PRRC2A: variants seen among roughly 807,000 people sequenced by gnomAD.
PRRC2A encodes the protein protein PRRC2A.
In PRRC2A, 59 loss-of-function variants were observed where a neutral mutation model predicts 224.6. That is an observed-to-expected ratio of 0.26 (90% CI 0.21 to 0.33). The LOEUF is 0.33. PRRC2A is among the 10% of genes least tolerant of loss of function. PRRC2A has a pLI of 1.00. For synonymous variants in PRRC2A, 1,194 were observed against 1,109.5 expected (o/e 1.08, Z -1.51); for missense variants, 3,095 against 2,880.7 (o/e 1.07, Z -1.70).
In PRRC2A at chr6:31,635,406, C is replaced by T. The variant is rs199525458; in HGVS notation, c.5314C>T (p.Arg1772Cys). The change falls in exon 23 of 31, where the codon CGC (arginine) becomes TGC (cysteine). Residue 1772 changes from arginine to cysteine, a missense_variant. Arg to Cys is a radical substitution (Grantham distance 180). Around this residue, in one of 8 missense-constraint regions of PRRC2A, gnomAD observed 662 missense variants for 609.5 expected, o/e 1.09. Transcript: ENST00000376033. ...FGTSDKDSDLRLVVGDSLKAE... is the reference protein window; with the variant it reads ...FGTSDKDSDLCLVVGDSLKAE... ...CTTGTGATCACAGGACTCAGACTTA[C>T]GCCTAGTGGTAGGAGACAGCTTGAA... The T allele has an allele frequency of 5.9e-5, 96 of 1,614,216 alleles. No individual in the cohort carries two copies. The highest frequency in any genetic ancestry group is 5.6e-4 in the African/African-American group (42 of 75,058).
intron 14 of PRRC2A, among the ~76,000 whole-genome samples, chr6:31,630,096 C>G (rs562866214): frequency 6.6e-6 from 1 of 152,108 alleles, no homozygotes; most frequent in Non-Finnish European, 1.5e-5. Flanking sequence ...GTGGGCAGAT[C>G]AACTGAGTTC....
Position 31,636,882 on chromosome 6 carries a change from T to C in PRRC2A, c.6084T>C (p.Ala2028=). Residue 2028 remains alanine, a synonymous_variant, in exon 28 of 31, where the codon GCT becomes GCC. Coordinates refer to ENST00000376033, the MANE Select transcript of PRRC2A (RefSeq NM_004638.4). The surrounding 1 kb of genome is among the most constrained non-coding windows in gnomAD (Gnocchi z 4.3). ...PPSLAVRPPP[A]PATRVLPSPA... ...GCCTGGCTGTGCGGCCCCCACCTGC[T>C]CCTGCTACTCGGGTGCTGCCTTCAC... 2.5e-6 allele frequency: 4 copies of C among 1,612,968 alleles called. No homozygotes were observed. Among genetic ancestry groups the C allele is most frequent in the Non-Finnish European group, 3.4e-6 (4 of 1,180,030 alleles).
Position 31,630,993 on chromosome 6 carries a change from C to T in PRRC2A, c.2466-146C>T, listed in dbSNP as rs754703676. On this transcript the variant is annotated intron_variant, in intron 15 of 30. Transcript: ENST00000376033. ...ATTGCTTGAGCCCAGCAGTTCGAGA[C>T]TAGCCTCGGCAACTGGATGCCATCT... 45 of 1,201,058 alleles carry T rather than the reference C, an allele frequency of 3.7e-5. 1 individual carries two copies. Among genetic ancestry groups the T allele is most frequent in the Non-Finnish European group, 4.9e-5 (43 of 868,962 alleles). The allele number at this position is 1,201,058 out of a possible 1,614,324, so 74.4% of individuals were successfully genotyped here.
Position 31,636,848 on chromosome 6 carries a change from A to C in PRRC2A, c.6050A>C (p.Gln2017Pro), listed in dbSNP as rs1476578852. The change falls in exon 28 of 31, where the codon CAG (glutamine) becomes CCG (proline). Residue 2017 changes from glutamine to proline, a missense_variant. Physicochemically the swap from Gln to Pro is moderately conservative, Grantham distance 76. Transcript: ENST00000376033. This position sits in a 1 kb window ranked among gnomAD's most constrained non-coding sequence, Gnocchi z 4.3. The part of the protein sequence containing the change: ...LSLLPVGPAL[Q>P]PPSLAVRPPP... Reference sequence around the variant, plus strand: ...CTGTTACCTGTGGGCCCTGCTCTGCAGCCCCCCAGCCTGGCTGTGCGGCCC... The same window carrying C: ...CTGTTACCTGTGGGCCCTGCTCTGCCGCCCCCCAGCCTGGCTGTGCGGCCC... 9 of 1,612,498 alleles carry C rather than the reference A, an allele frequency of 5.6e-6. No homozygotes were observed. Among genetic ancestry groups the C allele is most frequent in the Non-Finnish European group, 7.6e-6 (9 of 1,179,948 alleles).
chr6:31,622,006 T>C (rs1441745303), intron 1 of PRRC2A, among the ~76,000 whole-genome samples: 1 of 152,238 alleles, frequency 6.6e-6, no homozygotes. Context: ...GTATTTCATC[T>C]GGAGGCGATT....
Position 31,623,737 on chromosome 6 carries a change from C to T in PRRC2A, c.118C>T (p.Pro40Ser). The change falls in exon 3 of 31, where the codon CCT becomes TCT. Residue 40 changes from proline to serine, a missense_variant. By Grantham distance (74) the Pro-to-Ser change is moderately conservative (BLOSUM62 -1). Transcript: ENST00000376033. Reference sequence around the variant, plus strand: ...CTCTCCGTCTTGTTCTCCAGTTGCCCCTCGCCATGGCCTGCAGAGTCTCGG... The same window carrying T: ...CTCTCCGTCTTGTTCTCCAGTTGCCTCTCGCCATGGCCTGCAGAGTCTCGG... ...SLEIQKPAVA[P>S]RHGLQSLGKV... The T allele has an allele frequency of 2.5e-6, 4 of 1,614,076 alleles. No homozygotes were observed. The highest frequency in any genetic ancestry group is 1.3e-5 in the African/African-American group (1 of 75,036).
At chr6:31,634,690 A>G in intron 20 of PRRC2A, 63 bp from the exon 21 acceptor site, 6 of 1,566,710 alleles carry the variant, frequency 3.8e-6, no homozygotes, top group Non-Finnish European at 5.3e-6. Context: ...GTATGTGTGC[A>G]TCAGTCAGGT....
At chr6:31,633,318 T>G in intron 16 of PRRC2A, 61 bp from the exon 17 acceptor site, 1 of 1,565,506 alleles carries the variant, frequency 6.4e-7, no homozygotes, top group Non-Finnish European at 8.7e-7. Flanking sequence ...TTGGGAAACA[T>G]AACTTGTGGG....
At chr6:31,633,782 T>G (rs1405991465) in intron 17 of PRRC2A, 77 bp from the exon 18 acceptor site, 2 of 1,532,466 alleles carry the variant, frequency 1.3e-6, no homozygotes, top group African/African-American at 2.8e-5. Flanking sequence ...GTAGAAGAAT[T>G]GGGAGGTGGA....
At position 31,637,503 on chromosome 6, in the gene PRRC2A, C is replaced by T; in HGVS notation, c.6391C>T (p.Pro2131Ser). Residue 2131 changes from proline to serine, a missense_variant, in exon 31 of 31, where the codon CCA (proline) becomes TCA (serine). This residue lies in a region of PRRC2A where 662 missense variants were observed against 609.5 expected (regional missense o/e 1.09). Coordinates refer to ENST00000376033, the MANE Select transcript of PRRC2A (RefSeq NM_004638.4). Reference sequence around the variant, plus strand: ...TAAGCCTTGGGAGCGGACAGGGCCGCCACCTCGAGAAGGGCCCTCCCGACG... The same window carrying T: ...TAAGCCTTGGGAGCGGACAGGGCCGTCACCTCGAGAAGGGCCCTCCCGACG... Reference protein sequence around the residue: ...IPKPWERTGPPPREGPSRRAE... With the variant: ...IPKPWERTGPSPREGPSRRAE... 6.3e-7 allele frequency: 1 copy of T among 1,576,594 alleles called. No individual in the cohort carries two copies. Among genetic ancestry groups the T allele is most frequent in the South Asian group, 1.2e-5 (1 of 85,896 alleles).
intron 30 of PRRC2A, 42 bp downstream of exon 30, chr6:31,637,366 T>A (rs767271325): frequency 1.0e-5 from 16 of 1,601,412 alleles, no homozygotes; most frequent in African/African-American, 1.3e-5. Context: ...AAATTCGAGT[T>A]GCCACCTGAT....
At chr6:31,628,963 G>T in intron 12 of PRRC2A, 181 bp from the exon 13 acceptor site, 1 of 618,962 alleles carries the variant, frequency 1.6e-6, no homozygotes, top group Non-Finnish European at 2.8e-6. Flanking sequence ...CACCACCATA[G>T]GCTCATGAGA....
Position 31,627,287 on chromosome 6 carries a change from G to T in PRRC2A, c.1290+89G>T. 2 of 976,812 alleles carry T rather than the reference G, an allele frequency of 2.0e-6. No individual in the cohort carries two copies. Among genetic ancestry groups the T allele is most frequent in the South Asian group, 3.2e-5 (2 of 63,364 alleles). 60.5% of individuals were successfully genotyped at this position (976,812 alleles called of 1,614,324 possible). Reference sequence around the variant, plus strand: ...TGAAGCGGTTGTGATATAGAGGAAGGGGGGTGCTAAAAATGGGCTGTGTGA... The same window carrying T: ...TGAAGCGGTTGTGATATAGAGGAAGTGGGGTGCTAAAAATGGGCTGTGTGA... On this transcript the variant is annotated intron_variant, in intron 11 of 30. Coordinates refer to ENST00000376033, the MANE Select transcript of PRRC2A (RefSeq NM_004638.4). This position sits in a 1 kb window ranked among gnomAD's most constrained non-coding sequence, Gnocchi z 5.6.
In PRRC2A at chr6:31,629,291, A is replaced by T. The variant is rs774016642; in HGVS notation, c.1913A>T (p.Lys638Ile). ...QPPSQGLGYP[K>I]YQKSLPPRFQ... Reference sequence around the variant, plus strand: ...CCTAGTCAGGGCTTGGGCTACCCCAAATATCAGAAGTCGTTGCCTCCTCGT... The same window carrying T: ...CCTAGTCAGGGCTTGGGCTACCCCATATATCAGAAGTCGTTGCCTCCTCGT... The change falls in exon 13 of 31, where the codon AAA (lysine) becomes ATA (isoleucine). Residue 638 changes from lysine to isoleucine, a missense_variant. Coordinates refer to ENST00000376033, the MANE Select transcript of PRRC2A (RefSeq NM_004638.4). 1 of 1,589,248 alleles carries T rather than the reference A, an allele frequency of 6.3e-7. No individual in the cohort carries two copies. The highest frequency in any genetic ancestry group is 8.6e-7 in the Non-Finnish European group (1 of 1,167,832).
In PRRC2A at chr6:31,635,209, G is replaced by T. The variant is rs2075473886; in HGVS notation, c.5238G>T (p.Glu1746Asp). The change falls in exon 22 of 31, where the codon GAG becomes GAT. Residue 1746 changes from glutamate to aspartate, a missense_variant. Physicochemically the swap from Glu to Asp is conservative, Grantham distance 45 (BLOSUM62 2). Coordinates refer to ENST00000376033, the MANE Select transcript of PRRC2A (RefSeq NM_004638.4). ...CACAGCGTACAGACCGAGGCACAGA[G>T]CCTGGCCCCATTCGGCCATCCCATC... ...ERSQRTDRGT[E>D]PGPIRPSHRP... 2.5e-6 allele frequency: 4 copies of T among 1,612,884 alleles called. No individual in the cohort carries two copies. The African/African-American group carries it at 5.3e-5, about 22-fold the overall frequency.
At chr6:31,623,658 T>C (rs1775568129) in intron 2 of PRRC2A, 74 bp from the exon 3 acceptor site, 1 of 1,490,988 alleles carries the variant, frequency 6.7e-7, no homozygotes, top group Non-Finnish European at 9.2e-7. Flanking sequence ...CATGTATAAA[T>C]GTGTCCCAGG....
chr6:31,631,393 G>C lies in PRRC2A; in HGVS notation c.2720G>C (p.Gly907Ala), dbSNP rs1271239955. 28 of 1,607,356 alleles carry C rather than the reference G, an allele frequency of 1.7e-5. No individual in the cohort carries two copies. The highest frequency in any genetic ancestry group is 2.4e-5 in the Non-Finnish European group (28 of 1,177,884). The change falls in exon 16 of 31, where the codon GGG (glycine) becomes GCG (alanine). Residue 907 changes from glycine (G) to alanine (A), a missense_variant. Gly to Ala is a moderately conservative substitution (Grantham distance 60). Transcript: ENST00000376033. This position sits in a 1 kb window ranked among gnomAD's most constrained non-coding sequence, Gnocchi z 4.5. ...GGCCGAAAGCCTGCCCGCGGAGTCGGGAGTGGAGGCCAGGGCCCCCCACCA... is the reference window on the plus strand; with the variant it reads ...GGCCGAAAGCCTGCCCGCGGAGTCGCGAGTGGAGGCCAGGGCCCCCCACCA... ...EAGRKPARGVGSGGQGPPPPR... is the reference protein window; with the variant it reads ...EAGRKPARGVASGGQGPPPPR...
chr6:31,634,110 G>A (rs1777030443), intron 18 of PRRC2A, 121 bp downstream of exon 18: 2 of 1,569,216 alleles, frequency 1.3e-6, no homozygotes, highest in South Asian at 1.2e-5. Flanking sequence ...AGAATTCTCA[G>A]TATTAGTCTC....
At position 31,636,159 on chromosome 6, in the gene PRRC2A, G is replaced by C; in HGVS notation, c.5625-50G>C. ...TAGAAGCTAGTGGACTTAAGGCATTGCTAGGACTCTGGCTTCCTAACAGCT... is the reference window on the plus strand; with the variant it reads ...TAGAAGCTAGTGGACTTAAGGCATTCCTAGGACTCTGGCTTCCTAACAGCT... On this transcript the variant is annotated intron_variant, in intron 25 of 30. Transcript: ENST00000376033. This position sits in a 1 kb window ranked among gnomAD's most constrained non-coding sequence, Gnocchi z 4.3. 1.3e-6 allele frequency: 2 copies of C among 1,580,592 alleles called. No homozygotes were observed. Among genetic ancestry groups the C allele is most frequent in the South Asian group, 2.2e-5 (2 of 90,336 alleles).
Sources: gnomAD v4.1 joint callset for allele counts (sites outside exome capture counted in the v4.1 genomes callset) on GRCh38, gnomAD v4.1.1 for gene constraint, gnomAD v4.1.1 regional missense constraint, Gnocchi (gnomAD v3.1) non-coding constraint, MANE v1.5 for transcripts, NCBI Gene and HGNC (gene_info 2026-07-23, HGNC 2026-07-21) for gene names.